RBSN: variants seen among roughly 807,000 people sequenced by gnomAD.
The protein encoded by RBSN is rabenosyn, RAB effector, also known as rabenosyn-5.
Under a neutral mutation model 60.5 loss-of-function variants are expected in RBSN, and 34 were observed. The ratio of observed to expected loss-of-function variants is 0.56; its 90% CI spans 0.43 to 0.75. The LOEUF is 0.75. RBSN is among the 30% of genes least tolerant of loss of function. The pLI is 0.00. For synonymous variants in RBSN, 322 were observed against 366.9 expected, an observed-to-expected ratio of 0.88 and a Z score of 1.40; for missense variants, 845 against 986.8, an observed-to-expected ratio of 0.86 and a Z score of 1.92.
chr3:15,096,195 T>A lies in RBSN; in HGVS notation c.-75A>T. 2 of 1,478,310 alleles carry A rather than the reference T, an allele frequency of 1.4e-6. No individual in the cohort carries two copies. Among genetic ancestry groups the A allele is most frequent in the South Asian group, 2.8e-5 (2 of 70,818 alleles). 91.6% of individuals were successfully genotyped at this position (1,478,310 alleles called of 1,614,324 possible). A position where few individuals can be genotyped will look rare whatever the true frequency, so the allele number is the denominator to read the frequency against. ...CAGCTTGATTCCTCCCAAGGAACCA[T>A]GGTTCCCGCAGCATTAGCTTAAGCA... is the stretch of plus-strand genomic sequence containing the variant. On this transcript the variant is annotated 5_prime_UTR_variant, in exon 4 of 14. It removes an upstream start codon present in the reference 5' UTR. Coordinates refer to ENST00000253699, the MANE Select transcript of RBSN (RefSeq NM_022340.4).
intron 10 of RBSN, among the ~76,000 whole-genome samples, chr3:15,080,194 G>A (rs1463223796): frequency 1.3e-5 from 2 of 150,900 alleles, no homozygotes; most frequent in East Asian, 1.9e-4. Context: ...ACAGTGAGCC[G>A]AGATCACGCC....
At chr3:15,075,783 G>A (rs550217823) in intron 12 of RBSN, 73 bp from the exon 13 acceptor site, 3 of 1,256,882 alleles carry the variant, frequency 2.4e-6, no homozygotes, top group East Asian at 2.3e-5. Flanking sequence ...CCCATGATGA[G>A]AGTCTGCTTA....
chr3:15,073,765 G>A lies in RBSN; in HGVS notation c.*17C>T, dbSNP rs1395156316. The A allele has an allele frequency of 1.3e-6, 2 of 1,582,318 alleles. No homozygotes were observed. The highest frequency in any genetic ancestry group is 2.2e-5 in the East Asian group (1 of 44,748). ...CTGCCAGACCCCTGGGCCCAAAGGT[G>A]CCCTCTCCACTGCTGGTCAGTCAGT... On this transcript the variant is annotated 3_prime_UTR_variant, in exon 14 of 14. Transcript: ENST00000253699.
chr3:15,078,002 G>A, intron 11 of RBSN, 73 bp downstream of exon 11: 1 of 1,344,950 alleles, frequency 7.4e-7, no homozygotes, highest in Non-Finnish European at 1.1e-6. Flanking sequence ...GTGCAGGTCT[G>A]CTTTCGCCAT....
rs1208867084 is a variant in RBSN at position 15,072,565 on chromosome 3, G to GAT, written c.*1216_*1217insAT. 2 of 152,124 alleles carry GAT rather than the reference G, an allele frequency of 1.3e-5. No homozygotes were observed. The highest frequency in any genetic ancestry group is 2.9e-5 in the Non-Finnish European group (2 of 68,032). The allele number at this position is 152,124 out of a possible 1,614,324, so 9.4% of individuals were successfully genotyped here. On this transcript the variant is annotated 3_prime_UTR_variant, in exon 14 of 14. Coordinates refer to ENST00000253699, the MANE Select transcript of RBSN (RefSeq NM_022340.4). ...TTCCAAATCACCGATTCCTAAATTA[G>GAT]AGACCCGGCCTTTTAAACAGACCCA...
intron 5 of RBSN, chr3:15,086,224 C>A (rs1559348495): frequency 3.0e-6 from 1 of 336,358 alleles, no homozygotes; most frequent in Admixed American, 4.4e-5. Context: ...GATCCCACCA[C>A]TGTACTCCAG....
Position 15,090,421 on chromosome 3 carries a change from G to A in RBSN, c.267C>T (p.Tyr89=), listed in dbSNP as rs1344660900. ...ESFSYGGVDP[Y]MWEPQELGAV... Reference sequence around the variant, plus strand: ...TACCAAGCTCCTGGGGTTCCCACATGTAAGGATCAACCCCTCCATAGCTGA... The same window carrying A: ...TACCAAGCTCCTGGGGTTCCCACATATAAGGATCAACCCCTCCATAGCTGA... Residue 89 remains tyrosine (Y), a synonymous_variant, in exon 5 of 14, where the codon TAC becomes TAT. Transcript: ENST00000253699. The A allele has an allele frequency of 4.3e-6, 7 of 1,613,870 alleles. No homozygotes were observed. The highest frequency in any genetic ancestry group is 5.9e-6 in the Non-Finnish European group (7 of 1,179,950).
chr3:15,088,112 T>C (rs2043397156), intron 5 of RBSN, among the ~76,000 whole-genome samples: 1 of 152,214 alleles, frequency 6.6e-6, no homozygotes, highest in Admixed American at 6.5e-5. Flanking sequence ...ACCCTAGTAA[T>C]CTCACATTGG....
chr3:15,072,615 C>A lies in RBSN; in HGVS notation c.*1167G>T, dbSNP rs1338701293. ...AGATCAGAGTAACTTTGCCAAAGCT[C>A]TGGAGGGAGATTTCTCCAGTGACAG... On this transcript the variant is annotated 3_prime_UTR_variant, in exon 14 of 14. Transcript: ENST00000253699. 1 of 152,204 alleles carries A rather than the reference C, an allele frequency of 6.6e-6. No homozygotes were observed. The highest frequency in any genetic ancestry group is 2.4e-5 in the African/African-American group (1 of 41,448). 9.4% of individuals were successfully genotyped at this position (152,204 alleles called of 1,614,324 possible).
rs887443036 is a variant in RBSN at position 15,099,119 on chromosome 3, G to C, written c.-585C>G. On this transcript the variant is annotated 5_prime_UTR_variant, in exon 1 of 14. Coordinates refer to ENST00000253699, the MANE Select transcript of RBSN (RefSeq NM_022340.4). The stretch of plus-strand genomic sequence containing the variant: ...CTCCACCGTCCGTCACTCAGCCGCA[G>C]CCGCCATCTCCATCGGTCGCTCGGA... 2 of 152,312 alleles carry C rather than the reference G, an allele frequency of 1.3e-5. No homozygotes were observed. 9.4% of individuals were successfully genotyped at this position (152,312 alleles called of 1,614,324 possible). A position where few individuals can be genotyped will look rare whatever the true frequency, so the allele number is the denominator to read the frequency against.
chr3:15,090,282 G>A (rs1575105154), intron 5 of RBSN, 117 bp downstream of exon 5: 1 of 1,126,932 alleles, frequency 8.9e-7, no homozygotes, highest in East Asian at 2.4e-5. Context: ...TAAGGTCCAT[G>A]AGAAGCTTAG....
At chr3:15,080,877 A>AT in intron 9 of RBSN, 75 bp from the exon 10 acceptor site, 2 of 1,135,316 alleles carry the variant, frequency 1.8e-6, no homozygotes, top group Non-Finnish European at 2.6e-6. Flanking sequence ...GGCTCCATCA[A>AT]TGGAGCTATA....
At chr3:15,078,811 T>TAC (rs2043130341) in intron 10 of RBSN, among the ~76,000 whole-genome samples, 1 of 129,550 alleles carries the variant, frequency 7.7e-6, no homozygotes, top group African/African-American at 3.0e-5. Context: ...TATATATATA[T>TAC]ATATATATAT....
intron 8 of RBSN, among the ~76,000 whole-genome samples, chr3:15,083,753 CT>C (rs1164554982): frequency 1.3e-5 from 2 of 152,092 alleles, no homozygotes; most frequent in African/African-American, 4.8e-5. Flanking sequence ...TGATATTAGT[CT>C]TTTCTATATG....
intron 5 of RBSN, among the ~76,000 whole-genome samples, chr3:15,086,998 T>G (rs1285871641): frequency 6.6e-6 from 1 of 152,218 alleles, no homozygotes; most frequent in Non-Finnish European, 1.5e-5. Context: ...GACTATAATG[T>G]AACAGAATTT....
chr3:15,096,151 G>A lies in RBSN; in HGVS notation c.-31C>T, dbSNP rs781233297. On this transcript the variant is annotated 5_prime_UTR_variant, in exon 4 of 14. Transcript: ENST00000253699. ...TGCCGCTCTCAACCCTAGGAAGGCAGGAATCTCATGCCAAGAGTCAGCTTG... is the reference window on the plus strand; with the variant it reads ...TGCCGCTCTCAACCCTAGGAAGGCAAGAATCTCATGCCAAGAGTCAGCTTG... 2 of 1,527,688 alleles carry A rather than the reference G, an allele frequency of 1.3e-6. No homozygotes were observed. Among genetic ancestry groups the A allele is most frequent in the East Asian group, 2.3e-5 (1 of 43,996 alleles). 94.6% of individuals were successfully genotyped at this position (1,527,688 alleles called of 1,614,324 possible).
At chr3:15,075,083 A>G in intron 13 of RBSN, 153 bp from the exon 14 acceptor site, 2 of 948,854 alleles carry the variant, frequency 2.1e-6, no homozygotes, top group Non-Finnish European at 3.1e-6. Context: ...AAATCAAGTC[A>G]TGTTTTTGTG....
At position 15,070,926 on chromosome 3, in the gene RBSN, G is replaced by A. The variant is rs1482385787; in HGVS notation, c.*2856C>T. The A allele has an allele frequency of 5.9e-5, 9 of 152,650 alleles. No homozygotes were observed. Among genetic ancestry groups the A allele is most frequent in the Admixed American group, 2.6e-4 (4 of 15,294 alleles). 9.5% of individuals were successfully genotyped at this position (152,650 alleles called of 1,614,324 possible). ...CAACCTCCGCCTCCCAGGTTCAAGC[G>A]ATTCTCGTGCCTCAGCCTCCCTGAG... On this transcript the variant is annotated 3_prime_UTR_variant, in exon 14 of 14. Transcript: ENST00000253699.
chr3:15,084,250 C>A lies in RBSN; in HGVS notation c.598+485G>T, dbSNP rs1252996745. On this transcript the variant is annotated intron_variant, in intron 8 of 13. Coordinates refer to ENST00000253699, the MANE Select transcript of RBSN (RefSeq NM_022340.4). This position sits in a 1 kb window ranked among gnomAD's most constrained non-coding sequence, Gnocchi z 4.2. ...TCTCCTGCCTCAGCCTCCTGAGTAG[C>A]TAGGACTACAGGCACATGCCACCAC... Among the ~76,000 whole-genome samples, 1 of 152,176 alleles carries A rather than the reference C, an allele frequency of 6.6e-6. No homozygotes were observed. Among genetic ancestry groups the A allele is most frequent in the Admixed American group, 6.5e-5 (1 of 15,278 alleles).
Sources: allele counts gnomAD v4.1 joint callset (sites outside exome capture counted in the v4.1 genomes callset), GRCh38; gene constraint gnomAD v4.1.1; non-coding constraint Gnocchi (gnomAD v3.1); transcripts MANE v1.5; gene names NCBI Gene and HGNC (gene_info 2026-07-23, HGNC 2026-07-21).